The following CDK5RAP1 variants were observed in gnomAD, a reference collection of about 807,000 sequenced individuals.
The protein encoded by CDK5RAP1 is mitochondrial tRNA methylthiotransferase CDK5RAP1.
A neutral mutation model predicts 64.5 loss-of-function variants in CDK5RAP1; 62 were observed. The observed-to-expected ratio is 0.96, with a 90% confidence interval of 0.78 to 1.19. The LOEUF is 1.19. Among genes scored for constraint, CDK5RAP1 ranks in the 50% most tolerant of loss-of-function variants. CDK5RAP1 has a pLI of 0.00. For missense variants in CDK5RAP1, 657 were observed against 735.0 expected (o/e 0.89, Z 1.23); for synonymous variants, 250 against 261.9 (o/e 0.95, Z 0.44).
Position 33,379,470 on chromosome 20 carries a change from A to G in CDK5RAP1, c.1098T>C (p.Phe366=), listed in dbSNP as rs758475556. The G allele has an allele frequency of 6.2e-7, 1 of 1,611,230 alleles. No homozygotes were observed. The highest frequency in any genetic ancestry group is 1.1e-5 in the South Asian group (1 of 91,010). The change falls in exon 8 of 14, where the codon TTT becomes TTC. Residue 366 remains phenylalanine, a synonymous_variant. Coordinates refer to ENST00000346416, the MANE Select transcript of CDK5RAP1 (RefSeq NM_016408.4). The part of the protein sequence containing the change: ...IRFTSPHPKD[F]PDEVLQLIHE... ...CTAACCTGACGCTCACCTCATCAGG[A>G]AAATCCTTGGGGTGGGGAGAGGTAA...
intron 12 of CDK5RAP1, among the ~76,000 whole-genome samples, chr20:33,365,464 G>C (rs1983738396): frequency 6.6e-6 from 1 of 151,864 alleles, no homozygotes; most frequent in Non-Finnish European, 1.5e-5. Context: ...TAGAGACGGT[G>C]ATTCACCATG....
chr20:33,385,510 G>T, intron 7 of CDK5RAP1, 140 bp downstream of exon 7: 2 of 896,260 alleles, frequency 2.2e-6, no homozygotes, highest in Non-Finnish European at 3.4e-6. Flanking sequence ...AACCAATGAT[G>T]TACACAAAAG....
rs1463059703 is a variant in CDK5RAP1, at chr20:33,392,156, C to T, written c.530G>A (p.Arg177Lys). 1.9e-6 allele frequency: 3 copies of T among 1,610,020 alleles called. No homozygotes were observed. Among genetic ancestry groups the T allele is most frequent in the South Asian group, 2.2e-5 (2 of 90,914 alleles). Reference protein sequence around the residue: ...TRRPRSRVPLRIGILGCMAER... With the variant: ...TRRPRSRVPLKIGILGCMAER... ...TTACCAGATACCTAGAATTCCAATC[C>T]TCAGAGGAACCCGGGAGCGGGGCCG... Residue 177 changes from arginine (R) to lysine (K), a missense_variant, in exon 5 of 14, where the codon AGG becomes AAG. By Grantham distance (26) the Arg-to-Lys change is conservative (BLOSUM62 2). Transcript: ENST00000346416.
chr20:33,369,138 CA>C (rs1173731537), intron 11 of CDK5RAP1, among the ~76,000 whole-genome samples: 29 of 130,864 alleles, frequency 2.2e-4, no homozygotes, highest in Admixed American at 3.1e-4. Context: ...GACTCTGTCT[CA>C]AAAAAAAAAA....
intron 1 of CDK5RAP1, 69 bp downstream of exon 1, chr20:33,401,359 C>G: frequency 1.0e-6 from 1 of 972,978 alleles, no homozygotes; most frequent in Non-Finnish European, 1.2e-6. Flanking sequence ...CCGGGATCCG[C>G]GGCCCCTCCT....
chr20:33,366,470 G>C (rs1397639349), intron 12 of CDK5RAP1, among the ~76,000 whole-genome samples: 1 of 151,564 alleles, frequency 6.6e-6, no homozygotes, highest in Non-Finnish European at 1.5e-5. Flanking sequence ...AAATTAGCCA[G>C]GCATGGTGAC....
intron 8 of CDK5RAP1, 40 bp from the exon 9 acceptor site, chr20:33,374,252 C>A (rs1259280599): frequency 7.5e-7 from 1 of 1,339,728 alleles, no homozygotes; most frequent in Non-Finnish European, 1.1e-6. Flanking sequence ...CACAATCTCA[C>A]CAAAGAACCT....
chr20:33,383,024 A>T (rs1986966625), intron 7 of CDK5RAP1, among the ~76,000 whole-genome samples: 1 of 151,592 alleles, frequency 6.6e-6, no homozygotes, highest in South Asian at 2.1e-4. Context: ...TCTACTAAAA[A>T]TACAAAATTA....
chr20:33,394,071 A>G lies in CDK5RAP1; in HGVS notation c.409-5T>C, dbSNP rs768122309. 29 of 1,592,744 alleles carry G rather than the reference A, an allele frequency of 1.8e-5. No individual in the cohort carries two copies. Among genetic ancestry groups the G allele is most frequent in the Non-Finnish European group, 2.3e-5 (27 of 1,160,470 alleles). The stretch of plus-strand genomic sequence containing the variant: ...GACAAGGAGAATCACATCTGCCTGA[A>G]TGGAAAGAAAGGAAAACAAGGAAAA... On this transcript the variant is annotated splice_polypyrimidine_tract_variant and splice_region_variant and intron_variant, in intron 3 of 13. Coordinates refer to ENST00000346416, the MANE Select transcript of CDK5RAP1 (RefSeq NM_016408.4).
At chr20:33,368,459 ATTTTTTTTTTTTT>A (rs35954744) in intron 11 of CDK5RAP1, among the ~76,000 whole-genome samples, 6 of 67,606 alleles carry the variant, frequency 8.9e-5, no homozygotes, top group Middle Eastern at 0.015. Flanking sequence ...CTCTCGGCTA[ATTTTTTTTTTTTT>A]TTTTTTTTTT....
At chr20:33,376,404 CA>C (rs951222642) in intron 8 of CDK5RAP1, among the ~76,000 whole-genome samples, 3 of 152,168 alleles carry the variant, frequency 2.0e-5, no homozygotes, top group Non-Finnish European at 4.4e-5. Context: ...CTTGTAGGCT[CA>C]AGTGATTCTC....
chr20:33,384,541 TG>T (rs1568712282), intron 7 of CDK5RAP1, among the ~76,000 whole-genome samples: 1 of 151,974 alleles, frequency 6.6e-6, no homozygotes, highest in Non-Finnish European at 1.5e-5. Context: ...ACTGATTATC[TG>T]GGGGTAGGGC....
intron 11 of CDK5RAP1, among the ~76,000 whole-genome samples, chr20:33,369,821 G>A (rs553878550): frequency 1.3e-5 from 2 of 152,270 alleles, no homozygotes; most frequent in African/African-American, 2.4e-5. Context: ...GGGTTCAGTC[G>A]TTTGTCAGCC....
chr20:33,386,923 T>C (rs1021149825), intron 6 of CDK5RAP1, among the ~76,000 whole-genome samples: 5 of 152,086 alleles, frequency 3.3e-5, no homozygotes, highest in Admixed American at 2.6e-4. Context: ...TAAAACCTTA[T>C]TTACAAAAAG....
rs745307895 is a variant in CDK5RAP1 at position 33,370,485 on chromosome 20, A to G, written c.1392+14T>C. 1.2e-5 allele frequency: 19 copies of G among 1,613,556 alleles called. No homozygotes were observed. The highest frequency in any genetic ancestry group is 1.1e-4 in the East Asian group (5 of 44,868). On this transcript the variant is annotated intron_variant, in intron 11 of 13. Coordinates refer to ENST00000346416, the MANE Select transcript of CDK5RAP1 (RefSeq NM_016408.4). ...TCAGGAATGATGTCAGTCCTCCCCAACCCCAGGGCTCACCTGTCTCATGCT... is the reference window on the plus strand; with the variant it reads ...TCAGGAATGATGTCAGTCCTCCCCAGCCCCAGGGCTCACCTGTCTCATGCT...
At position 33,401,478 on chromosome 20, in the gene CDK5RAP1, C is replaced by T. The variant is rs1253368594; in HGVS notation, c.-71G>A. The T allele has an allele frequency of 1.0e-6, 1 of 985,358 alleles. No homozygotes were observed. The allele number at this position is 985,358 out of a possible 1,614,324, so 61.0% of individuals were successfully genotyped here. On this transcript the variant is annotated 5_prime_UTR_variant, in exon 1 of 14. Coordinates refer to ENST00000346416, the MANE Select transcript of CDK5RAP1 (RefSeq NM_016408.4). ...GGTCCCGCAGCGTAAGTTCTGCCGG[C>T]AAGTCGGATCCCCTCACAGGTCCGC... is the stretch of plus-strand genomic sequence containing the variant.
rs1984113048 is a variant in CDK5RAP1 at position 33,367,049 on chromosome 20, A to C, written c.1393-41T>G. ...AAAAGAGAGAAGATGGAGGTCACCA[A>C]GGACTTGTAGAATCTATTCTTAATG... On this transcript the variant is annotated intron_variant, in intron 11 of 13. Transcript: ENST00000346416. 1.9e-6 allele frequency: 3 copies of C among 1,577,384 alleles called. No individual in the cohort carries two copies. The African/African-American group carries it at 4.1e-5, about 22-fold the overall frequency.
intron 7 of CDK5RAP1, among the ~76,000 whole-genome samples, chr20:33,384,788 G>A (rs1354755183): frequency 1.3e-5 from 2 of 152,210 alleles, no homozygotes; most frequent in African/African-American, 4.8e-5. Flanking sequence ...TGTAGTCCCA[G>A]CTACTTGGGA....
chr20:33,379,773 T>A, intron 7 of CDK5RAP1, 82 bp from the exon 8 acceptor site: 1 of 1,021,442 alleles, frequency 9.8e-7, no homozygotes, highest in Non-Finnish European at 1.5e-6. Context: ...TAGCTGAAAT[T>A]AACATATCTT....
Sources: gnomAD v4.1 joint callset for allele counts (sites outside exome capture counted in the v4.1 genomes callset) on GRCh38, gnomAD v4.1.1 for gene constraint, MANE v1.5 for transcripts, NCBI Gene and HGNC (gene_info 2026-07-23, HGNC 2026-07-21) for gene names.